LRRC39: variants seen among roughly 807,000 people sequenced by gnomAD.
The protein encoded by LRRC39 is leucine rich repeat containing 39.
In LRRC39, 35 loss-of-function variants were observed where a neutral mutation model predicts 39.7. The ratio of observed to expected loss-of-function variants is 0.88; its 90% CI spans 0.67 to 1.17. The LOEUF (loss-of-function observed/expected upper bound fraction) is 1.17. LRRC39 is among the 50% of genes most tolerant of loss of function. The pLI is 0.00. For synonymous variants in LRRC39, 113 were observed against 134.1 expected (o/e 0.84, Z 1.09); for missense variants, 357 against 385.8 (o/e 0.93, Z 0.62).
intron 9 of LRRC39, 33 bp from the exon 10 acceptor site, chr1:100,149,130 A>G: frequency 6.4e-7 from 1 of 1,573,338 alleles, no homozygotes; most frequent in Non-Finnish European, 8.6e-7. Context: ...ACACATAATT[A>G]GCGTATTTCT....
chr1:100,150,791 C>T (rs1657918910), intron 9 of LRRC39, among the ~76,000 whole-genome samples: 1 of 152,096 alleles, frequency 6.6e-6, no homozygotes. Flanking sequence ...TCAGATTCAC[C>T]TGCACAATTA....
intron 9 of LRRC39, chr1:100,149,913 C>A (rs1355724612): frequency 1.3e-5 from 2 of 153,100 alleles, no homozygotes; most frequent in Non-Finnish European, 2.9e-5. Flanking sequence ...TCCTGTAGTT[C>A]TATGATTATA....
upstream of LRRC39, among the ~76,000 whole-genome samples, chr1:100,179,499 C>CAAAAAAAAAAAAAAAAAAAA (rs60588308): frequency 2.2e-5 from 1 of 45,618 alleles, no homozygotes; most frequent in African/African-American, 8.2e-5. Context: ...CTGTATCTAC[C>CAAAAAAAAAAAAAAAAAAAA]AAAAAAAAAA....
At chr1:100,149,429 TG>T in intron 9 of LRRC39, 2 of 1,541,016 alleles carry the variant, frequency 1.3e-6, no homozygotes, top group Non-Finnish European at 1.7e-6. Context: ...AACACAAAAC[TG>T]AAGAGCTGTT....
intron 1 of LRRC39, among the ~76,000 whole-genome samples, chr1:100,174,008 C>G (rs918335170): frequency 6.6e-6 from 1 of 151,864 alleles, no homozygotes. Flanking sequence ...GTCAATTATC[C>G]CCACATTGAA....
In LRRC39 at chr1:100,166,229, C is replaced by T. The variant is rs532362211; in HGVS notation, c.113+2175G>A. 1.1e-4 allele frequency among the ~76,000 whole-genome samples: 16 copies of T among 152,164 alleles called. No homozygotes were observed. The South Asian group carries it at 1.7e-3, about 16-fold the overall frequency. On this transcript the variant is annotated intron_variant, in intron 3 of 9. Coordinates refer to ENST00000370137, the MANE Select transcript of LRRC39 (RefSeq NM_144620.4). ...TATGTCTTTATCAGCAGTGTGAAAA[C>T]GGACTAAAATAGTAAATTGGTACCG... is the stretch of plus-strand genomic sequence containing the variant.
chr1:100,154,750 T>G (rs1225617190), intron 8 of LRRC39, among the ~76,000 whole-genome samples: 3 of 152,210 alleles, frequency 2.0e-5, no homozygotes, highest in Non-Finnish European at 4.4e-5. Context: ...ACACATTTAT[T>G]ATTTCATACA....
intron 3 of LRRC39, 149 bp downstream of exon 3, chr1:100,168,255 G>C (rs1659378723): frequency 1.5e-6 from 1 of 645,390 alleles, no homozygotes; most frequent in Non-Finnish European, 2.6e-6. Flanking sequence ...ATTTAATTGA[G>C]TCAGCTGTTT....
At chr1:100,165,808 T>C (rs961117981) in intron 3 of LRRC39, among the ~76,000 whole-genome samples, 5 of 151,982 alleles carry the variant, frequency 3.3e-5, no homozygotes, top group African/African-American at 1.2e-4. Context: ...ATGGGGGCAG[T>C]TTCCCTTATA....
At chr1:100,158,558 C>T (rs1396821440) in intron 5 of LRRC39, among the ~76,000 whole-genome samples, 191 bp from the exon 6 acceptor site, 1 of 152,152 alleles carries the variant, frequency 6.6e-6, no homozygotes, top group Non-Finnish European at 1.5e-5. Flanking sequence ...CTGCCTCAGC[C>T]TCCCGGTAGC....
chr1:100,151,825 A>G (rs1469409067), intron 9 of LRRC39, among the ~76,000 whole-genome samples: 1 of 152,152 alleles, frequency 6.6e-6, no homozygotes, highest in Non-Finnish European at 1.5e-5. Context: ...TGATAGCCCC[A>G]GTTACTTCAG....
At chr1:100,153,727 T>G (rs1201731543) in intron 8 of LRRC39, among the ~76,000 whole-genome samples, 3 of 152,166 alleles carry the variant, frequency 2.0e-5, no homozygotes, top group Admixed American at 6.5e-5. Context: ...TAGTACTTAG[T>G]AAAAAGTTAT....
At chr1:100,174,069 T>C (rs1659805686) in intron 1 of LRRC39, among the ~76,000 whole-genome samples, 1 of 152,196 alleles carries the variant, frequency 6.6e-6, no homozygotes, top group Non-Finnish European at 1.5e-5. Context: ...AGGAGCAACC[T>C]GACAATCAGT....
At chr1:100,179,388 T>C (rs1660145886), upstream of LRRC39, among the ~76,000 whole-genome samples, 1 of 145,070 alleles carries the variant, frequency 6.9e-6, no homozygotes, top group South Asian at 2.2e-4. Flanking sequence ...TAAGTAAAAA[T>C]CAAGATCTCA....
At chr1:100,154,737 G>A (rs756293423) in intron 8 of LRRC39, among the ~76,000 whole-genome samples, 45 of 151,998 alleles carry the variant, frequency 3.0e-4, no homozygotes, top group Non-Finnish European at 8.8e-5. Context: ...ACCCATAAAG[G>A]TCACACATTT....
chr1:100,162,257 T>C (rs1658936350), intron 3 of LRRC39, among the ~76,000 whole-genome samples: 1 of 152,228 alleles, frequency 6.6e-6, no homozygotes, highest in Admixed American at 6.5e-5. Flanking sequence ...ACTTTTTACA[T>C]ATAAAAATGT....
At chr1:100,152,235 C>G in intron 9 of LRRC39, 150 bp downstream of exon 9, 1 of 789,022 alleles carries the variant, frequency 1.3e-6, no homozygotes, top group Admixed American at 2.9e-5. Flanking sequence ...TTTTTTCTTC[C>G]CACAATATTG....
Position 100,162,580 on chromosome 1 carries a change from G to C in LRRC39, c.114-2009C>G, listed in dbSNP as rs575575083. ...CTTGAACCTGGGATGCAAAGTTGCA[G>C]TGAGCCAAGATTGCACCACTTTACT... is the stretch of plus-strand genomic sequence containing the variant. On this transcript the variant is annotated intron_variant, in intron 3 of 9. Coordinates refer to ENST00000370137, the MANE Select transcript of LRRC39 (RefSeq NM_144620.4). 4.6e-5 allele frequency among the ~76,000 whole-genome samples: 7 copies of C among 152,030 alleles called. No individual in the cohort carries two copies. In the South Asian group the frequency reaches 1.5e-3, roughly 32 times the overall value.
At chr1:100,161,418 T>C (rs571250055) in intron 3 of LRRC39, among the ~76,000 whole-genome samples, 7 of 152,380 alleles carry the variant, frequency 4.6e-5, no homozygotes, top group African/African-American at 1.4e-4. Context: ...TGCTGTAGCA[T>C]GTATTAGTAC....
Sources: gnomAD v4.1 joint callset for allele counts (sites outside exome capture counted in the v4.1 genomes callset) on GRCh38, gnomAD v4.1.1 for gene constraint, MANE v1.5 for transcripts, NCBI Gene and HGNC (gene_info 2026-07-23, HGNC 2026-07-21) for gene names.